The following FGD6 variants were observed in gnomAD, a reference collection of about 807,000 sequenced individuals.
FGD6 encodes the protein FYVE, RhoGEF and PH domain containing 6, also known as FYVE, RhoGEF and PH domain-containing protein 6.
A neutral mutation model predicts 149.4 loss-of-function variants in FGD6; 90 were observed. The ratio of observed to expected loss-of-function variants is 0.60; its 90% CI spans 0.51 to 0.72. The LOEUF is 0.72. Ranked by LOEUF, FGD6 falls within the 30% of genes least tolerant of loss-of-function variation. FGD6 has a pLI of 0.00. For missense variants in FGD6, 1,437 were observed against 1,684.8 expected (o/e 0.85, Z 2.57); for synonymous variants, 527 against 584.0 (o/e 0.90, Z 1.41).
chr12:95,149,133 CATATATT>C (rs1880170626), intron 5 of FGD6, among the ~76,000 whole-genome samples: 1 of 41,348 alleles, frequency 2.4e-5, no homozygotes, highest in Non-Finnish European at 3.6e-5. Context: ...TAATATATAG[CATATATT>C]ATATATTATA....
At chr12:95,202,860 A>C (rs1424712714) in intron 2 of FGD6, among the ~76,000 whole-genome samples, 1 of 152,230 alleles carries the variant, frequency 6.6e-6, no homozygotes, top group Non-Finnish European at 1.5e-5. Flanking sequence ...AGAGGCATAC[A>C]GATTTTTTAC....
intron 2 of FGD6, among the ~76,000 whole-genome samples, chr12:95,181,343 A>G (rs1881277716): frequency 6.6e-6 from 1 of 152,200 alleles, no homozygotes; most frequent in African/African-American, 2.4e-5. Flanking sequence ...CATGTGCTTC[A>G]GGGTTCCTGG....
intron 17 of FGD6, among the ~76,000 whole-genome samples, chr12:95,091,088 A>G (rs1460582133): frequency 6.6e-6 from 1 of 152,184 alleles, no homozygotes; most frequent in Non-Finnish European, 1.5e-5. Flanking sequence ...GCAAGACCCC[A>G]TCTCAAAAAA....
At chr12:95,143,293 GTT>G (rs60987519) in intron 5 of FGD6, among the ~76,000 whole-genome samples, 179 of 141,768 alleles carry the variant, frequency 1.3e-3, no homozygotes, top group Admixed American at 1.6e-3. Flanking sequence ...GTTTTTTTTT[GTT>G]TTTTTTTTTT....
chr12:95,082,997 A>AG, intron 20 of FGD6, among the ~76,000 whole-genome samples: 2 of 59,630 alleles, frequency 3.4e-5, no homozygotes, highest in African/African-American at 1.4e-4. Context: ...AAAAAAAAAA[A>AG]AAAAAAAAAA....
At position 95,211,180 on chromosome 12, in the gene FGD6, T is replaced by C. The variant is rs1456534134; in HGVS notation, c.104A>G (p.Asp35Gly). 2 of 1,614,056 alleles carry C rather than the reference T, an allele frequency of 1.2e-6. No homozygotes were observed. The highest frequency in any genetic ancestry group is 1.7e-6 in the Non-Finnish European group (2 of 1,180,014). The change falls in exon 2 of 21, where the codon GAC (aspartate) becomes GGC (glycine). Residue 35 changes from aspartate (D) to glycine (G), a missense_variant. This residue lies in a region of FGD6 where 1,055 missense variants were observed against 1,146.0 expected (regional missense o/e 0.92). Transcript: ENST00000343958. ...PAPPPIAPKP[D>G]IVISSVPQST... The stretch of plus-strand genomic sequence containing the variant: ...CTGTGGAACACTAGAAATCACAATG[T>C]CGGGTTTAGGTGCAATAGGAGGTGG...
At chr12:95,125,785 T>G (rs1053000344) in intron 8 of FGD6, 1 of 742,694 alleles carries the variant, frequency 1.3e-6, no homozygotes, top group South Asian at 1.4e-5. Flanking sequence ...TTCATGGAGG[T>G]TGGCTGGGCA....
intron 5 of FGD6, among the ~76,000 whole-genome samples, chr12:95,142,817 G>A (rs748241598): frequency 2.2e-4 from 34 of 152,098 alleles, no homozygotes; most frequent in Non-Finnish European, 4.7e-4. Flanking sequence ...AAATTCACCA[G>A]GGTTTACACT....
At chr12:95,151,914 T>C (rs1386328813) in intron 5 of FGD6, among the ~76,000 whole-genome samples, 3 of 152,162 alleles carry the variant, frequency 2.0e-5, no homozygotes, top group Non-Finnish European at 4.4e-5. Flanking sequence ...CTAAAAGCAC[T>C]TTAACTGTCA....
chr12:95,114,493 C>T (rs10859833), intron 8 of FGD6, among the ~76,000 whole-genome samples: 2,749 of 142,970 alleles, frequency 0.019, 114 homozygotes, highest in African/African-American at 0.051. Flanking sequence ...CACACACACA[C>T]GTCAGACGTG....
At position 95,102,153 on chromosome 12, in the gene FGD6, A is replaced by T. The variant is rs553074430; in HGVS notation, c.3497+2854T>A. Among the ~76,000 whole-genome samples, 8 of 151,890 alleles carry T rather than the reference A, an allele frequency of 5.3e-5. No homozygotes were observed. The South Asian group carries it at 6.3e-4, about 12-fold the overall frequency. ...GAAAGGTCATCTCTATCTTAAAATT[A>T]AAAAAGATGGCCAGACGTGGTGACT... On this transcript the variant is annotated intron_variant, in intron 14 of 20. Transcript: ENST00000343958.
chr12:95,193,326 C>T lies in FGD6; in HGVS notation c.2441+15517G>A, dbSNP rs56338806. ...AAGAAAAAGCTATTGGCATACGCAA[C>T]AACTTGGATGGCTCTACAGAAAATC... On this transcript the variant is annotated intron_variant, in intron 2 of 20. Coordinates refer to ENST00000343958, the MANE Select transcript of FGD6 (RefSeq NM_018351.4). 9.1e-4 allele frequency among the ~76,000 whole-genome samples: 138 copies of T among 151,296 alleles called. 1 individual carries two copies. Among genetic ancestry groups the T allele is most frequent in the South Asian group, 8.5e-3 (41 of 4,812 alleles).
intron 3 of FGD6, among the ~76,000 whole-genome samples, chr12:95,162,991 A>G (rs1880690720): frequency 6.6e-6 from 1 of 152,146 alleles, no homozygotes; most frequent in Non-Finnish European, 1.5e-5. Context: ...CCCCACTGCA[A>G]CCCCTTCTGT....
chr12:95,168,631 C>A (rs921068617), intron 3 of FGD6, among the ~76,000 whole-genome samples: 1 of 151,840 alleles, frequency 6.6e-6, no homozygotes, highest in Non-Finnish European at 1.5e-5. Context: ...CCACTGCACT[C>A]CAGCCTGGGA....
intron 3 of FGD6, among the ~76,000 whole-genome samples, chr12:95,158,984 T>C (rs533564085): frequency 1.3e-4 from 20 of 152,190 alleles, no homozygotes; most frequent in Non-Finnish European, 2.4e-4. Context: ...TTCCAAATAA[T>C]GTGACATCCC....
chr12:95,153,196 A>C (rs776458434), intron 3 of FGD6, among the ~76,000 whole-genome samples: 7 of 152,356 alleles, frequency 4.6e-5, no homozygotes, highest in Non-Finnish European at 1.0e-4. Flanking sequence ...AGCAATCAGT[A>C]ATCTTCACTG....
chr12:95,117,025 T>C, intron 8 of FGD6: 3 of 411,614 alleles, frequency 7.3e-6, no homozygotes, highest in South Asian at 5.3e-5. Context: ...CACGCCTATA[T>C]TGGTCATAGT....
intron 18 of FGD6, among the ~76,000 whole-genome samples, chr12:95,087,721 C>T (rs71458578): frequency 2.6e-3 from 403 of 152,190 alleles, no homozygotes; most frequent in Non-Finnish European, 4.4e-3. Flanking sequence ...AATACACATG[C>T]GCTCTGTGAA....
At chr12:95,091,864 A>G in intron 16 of FGD6, 55 bp from the exon 17 acceptor site, 1 of 1,360,444 alleles carries the variant, frequency 7.4e-7, no homozygotes, top group African/African-American at 1.4e-5. Flanking sequence ...TTGTGTTTCT[A>G]CACCATAAAG....
Sources: allele counts gnomAD v4.1 joint callset (sites outside exome capture counted in the v4.1 genomes callset), GRCh38; gene constraint gnomAD v4.1.1; regional missense constraint gnomAD v4.1.1; transcripts MANE v1.5; gene names NCBI Gene and HGNC (gene_info 2026-07-23, HGNC 2026-07-21).